ITPR1: variants seen among roughly 807,000 people sequenced by gnomAD.
ITPR1 encodes the protein inositol 1,4,5-trisphosphate receptor type 1, also known as inositol 1,4,5-trisphosphate-gated calcium channel ITPR1.
Under a neutral mutation model 318.4 loss-of-function variants are expected in ITPR1, and 96 were observed. The observed-to-expected ratio is 0.30, with a 90% confidence interval of 0.26 to 0.36. ITPR1 has a LOEUF of 0.36. ITPR1 is among the 10% of genes least tolerant of loss of function. ITPR1 has a pLI of 1.00. For synonymous variants in ITPR1, 1,312 were observed against 1,289.9 expected (o/e 1.02, Z -0.37); for missense variants, 2,440 against 3,460.2 (o/e 0.71, Z 7.40).
intron 56 of ITPR1, 87 bp downstream of exon 56, chr3:4,811,547 T>C: frequency 1.9e-6 from 2 of 1,026,078 alleles, no homozygotes; most frequent in East Asian, 2.4e-5. Context: ...ACTTTAGTAA[T>C]GCAGATATCT....
At chr3:4,732,924 T>A (rs2043025717) in intron 42 of ITPR1, among the ~76,000 whole-genome samples, 164 bp from the exon 43 acceptor site, 1 of 152,260 alleles carries the variant, frequency 6.6e-6, no homozygotes, top group African/African-American at 2.4e-5. Context: ...TGAGAAAATA[T>A]TGAAGTTAAC....
intron 4 of ITPR1, among the ~76,000 whole-genome samples, chr3:4,573,407 A>G (rs910613340): frequency 1.3e-5 from 2 of 152,142 alleles, no homozygotes; most frequent in Non-Finnish European, 2.9e-5. Flanking sequence ...CTATGATACT[A>G]GTCTTCTCAC....
intron 26 of ITPR1, among the ~76,000 whole-genome samples, chr3:4,682,219 T>C (rs935400164): frequency 5.3e-5 from 8 of 152,196 alleles, no homozygotes; most frequent in Non-Finnish European, 4.4e-5. Context: ...CACCTCCAAG[T>C]TGGATTATTC....
intron 52 of ITPR1, 144 bp downstream of exon 52, chr3:4,788,283 A>G (rs959224279): frequency 3.5e-5 from 24 of 691,900 alleles, no homozygotes; most frequent in South Asian, 3.1e-4. Flanking sequence ...CCAGGAAGTC[A>G]TAACCAGTTT....
intron 2 of ITPR1, among the ~76,000 whole-genome samples, chr3:4,500,760 C>T (rs902324109): frequency 7.2e-5 from 11 of 152,274 alleles, no homozygotes; most frequent in Non-Finnish European, 4.4e-5. Flanking sequence ...CCCAGATGAG[C>T]AGGAATGTTA....
At chr3:4,538,303 A>G (rs2084068412) in intron 4 of ITPR1, among the ~76,000 whole-genome samples, 1 of 152,210 alleles carries the variant, frequency 6.6e-6, no homozygotes, top group Non-Finnish European at 1.5e-5. Context: ...AAAAAGCTCG[A>G]CATCACTGAT....
At chr3:4,701,382 C>T (rs2094649067) in intron 35 of ITPR1, among the ~76,000 whole-genome samples, 1 of 151,560 alleles carries the variant, frequency 6.6e-6, no homozygotes, top group Non-Finnish European at 1.5e-5. Flanking sequence ...GGGTAAATGA[C>T]CGTTCTCATT....
intron 32 of ITPR1, among the ~76,000 whole-genome samples, chr3:4,691,738 G>A (rs572685215): frequency 9.8e-5 from 15 of 152,316 alleles, no homozygotes; most frequent in African/African-American, 3.6e-4. Context: ...TTTGCCTGAT[G>A]CTTTTTGAGG....
chr3:4,700,450 C>T (rs77255589), intron 35 of ITPR1, among the ~76,000 whole-genome samples: 4,489 of 152,190 alleles, frequency 0.029, 96 homozygotes, highest in Middle Eastern at 0.11. Flanking sequence ...CTCAGGAGAG[C>T]GGTAGAGACC....
At chr3:4,765,472 G>A (rs956643291) in intron 44 of ITPR1, among the ~76,000 whole-genome samples, 2 of 152,190 alleles carry the variant, frequency 1.3e-5, no homozygotes, top group African/African-American at 4.8e-5. Context: ...TGCTGAATCA[G>A]GCATTGGGGT....
chr3:4,669,906 T>G, intron 19 of ITPR1, 133 bp downstream of exon 19: 1 of 949,842 alleles, frequency 1.1e-6, no homozygotes, highest in Non-Finnish European at 1.4e-6. Flanking sequence ...GATCTTCTTA[T>G]TGGAAAAGTC....
intron 4 of ITPR1, among the ~76,000 whole-genome samples, chr3:4,562,625 C>T (rs1281114584): frequency 6.6e-6 from 1 of 151,984 alleles, no homozygotes; most frequent in Non-Finnish European, 1.5e-5. Flanking sequence ...TTGAGATTTT[C>T]CAGGATCTTA....
Position 4,662,199 on chromosome 3 carries a change from G to A in ITPR1, c.1369G>A (p.Ala457Thr). 7 of 1,612,450 alleles carry A rather than the reference G, an allele frequency of 4.3e-6. No individual in the cohort carries two copies. The highest frequency in any genetic ancestry group is 5.9e-6 in the Non-Finnish European group (7 of 1,178,902). The change falls in exon 15 of 62, where the codon GCT becomes ACT. Residue 457 changes from alanine to threonine, a missense_variant. Coordinates refer to ENST00000649015, the MANE Select transcript of ITPR1 (RefSeq NM_001378452.1). ...NDASKVLGSI[A>T]GKLEKGTITQ... ...TGCCAGCAAGGTGCTGGGCTCCATT[G>A]CTGGGAAGCTAGAGAAGGGCACCAT...
intron 4 of ITPR1, among the ~76,000 whole-genome samples, chr3:4,627,127 A>AT (rs1559565187): frequency 6.6e-6 from 1 of 151,720 alleles, no homozygotes; most frequent in Non-Finnish European, 1.5e-5. Flanking sequence ...GGCCTGTAAT[A>AT]TTTTTTCTAA....
At chr3:4,561,512 G>A (rs190930329) in intron 4 of ITPR1, among the ~76,000 whole-genome samples, 3 of 152,218 alleles carry the variant, frequency 2.0e-5, no homozygotes, top group African/African-American at 7.2e-5. Flanking sequence ...TCCTAAGAAC[G>A]AAACTCACTA....
intron 46 of ITPR1, among the ~76,000 whole-genome samples, chr3:4,774,758 A>C (rs1416898985): frequency 6.6e-6 from 1 of 152,208 alleles, no homozygotes; most frequent in Admixed American, 6.5e-5. Context: ...CTCCTGCCAC[A>C]TGGCACTGGG....
intron 4 of ITPR1, among the ~76,000 whole-genome samples, chr3:4,618,180 T>C (rs1348234644): frequency 2.6e-5 from 4 of 152,246 alleles, no homozygotes; most frequent in Middle Eastern, 3.4e-3. Context: ...GCCACTGAAT[T>C]GGTCACTTTA....
At chr3:4,587,946 A>T (rs1489536242) in intron 4 of ITPR1, among the ~76,000 whole-genome samples, 2 of 139,644 alleles carry the variant, frequency 1.4e-5, no homozygotes. Flanking sequence ...TCCAAAATAG[A>T]AGCTGTGTAG....
At chr3:4,617,248 C>T (rs1017775184) in intron 4 of ITPR1, among the ~76,000 whole-genome samples, 4 of 152,076 alleles carry the variant, frequency 2.6e-5, no homozygotes, top group Non-Finnish European at 5.9e-5. Context: ...CAGGATACCA[C>T]AGACTGGATA....
Sources: allele counts gnomAD v4.1 joint callset (sites outside exome capture counted in the v4.1 genomes callset), GRCh38; gene constraint gnomAD v4.1.1; transcripts MANE v1.5; gene names NCBI Gene and HGNC (gene_info 2026-07-23, HGNC 2026-07-21).